The following FANCL variants were observed in gnomAD, a reference collection of about 807,000 sequenced individuals.
FANCL encodes FA complementation group L.
FANCL carries 69 observed loss-of-function variants against 59.4 expected under a neutral mutation model. The observed-to-expected ratio is 1.16, with a 90% CI of 0.96 to 1.42. The LOEUF (loss-of-function observed/expected upper bound fraction) is 1.42. FANCL is among the 40% of genes most tolerant of loss of function. The probability of loss-of-function intolerance (pLI) is 0.00; values close to 1 mark genes in which losing one functional copy is unlikely to be tolerated. For synonymous variants in FANCL, 180 were observed against 147.1 expected (o/e 1.22, Z -1.62); for missense variants, 519 against 447.2 (o/e 1.16, Z -1.45).
At position 58,241,286 on chromosome 2, in the gene FANCL, G is replaced by A. The variant is rs146690827; in HGVS notation, c.28C>T (p.Arg10Cys). 1.2e-6 allele frequency: 2 copies of A among 1,614,224 alleles called. No individual in the cohort carries two copies. The highest frequency in any genetic ancestry group is 1.7e-6 in the Non-Finnish European group (2 of 1,180,038). The change falls in exon 1 of 14, where the codon CGC becomes TGC. Residue 10 changes from arginine (R) to cysteine (C), a missense_variant. By Grantham distance (180) the Arg-to-Cys change is radical. Transcript: ENST00000233741. MAVTEASLL[R>C]QCPLLLPQNR... ...TGGGGCAGAAGCAGGGGGCACTGGCGCAACAGGCTCGCTTCCGTCACCGCC... is the reference window on the plus strand; with the variant it reads ...TGGGGCAGAAGCAGGGGGCACTGGCACAACAGGCTCGCTTCCGTCACCGCC...
intron 7 of FANCL, among the ~76,000 whole-genome samples, chr2:58,197,881 G>C (rs1689585101): frequency 6.6e-6 from 1 of 152,110 alleles, no homozygotes; most frequent in Non-Finnish European, 1.5e-5. Flanking sequence ...AAAAGTTTTA[G>C]CAATATAAAA....
intron 5 of FANCL, among the ~76,000 whole-genome samples, chr2:58,207,290 CTG>C (rs1690684372): frequency 6.6e-6 from 1 of 152,178 alleles, no homozygotes; most frequent in Non-Finnish European, 1.5e-5. Flanking sequence ...ACACAACACT[CTG>C]TGATGATGAA....
Position 58,229,813 on chromosome 2 carries a change from C to G in FANCL, c.216+1G>C. Reference sequence around the variant, plus strand: ...ACATAAACCTTTTAAAAAGGACTTACCTGTTGTACTATTCGATGGTATCCA... The same window carrying G: ...ACATAAACCTTTTAAAAAGGACTTAGCTGTTGTACTATTCGATGGTATCCA... On this transcript the variant is annotated splice_donor_variant, in intron 3 of 13. Transcript: ENST00000233741. LOFTEE classifies it high-confidence loss of function. The G allele has an allele frequency of 6.2e-7, 1 of 1,604,296 alleles. No individual in the cohort carries two copies.
chr2:58,200,197 T>A (rs1689858389), intron 6 of FANCL, among the ~76,000 whole-genome samples: 1 of 152,000 alleles, frequency 6.6e-6, no homozygotes, highest in Non-Finnish European at 1.5e-5. Context: ...CTTCAGAGTA[T>A]CATTGCTGTA....
chr2:58,193,984 G>T (rs1689184614), intron 7 of FANCL, among the ~76,000 whole-genome samples: 1 of 151,572 alleles, frequency 6.6e-6, no homozygotes, highest in African/African-American at 2.4e-5. Flanking sequence ...AATGGATAAT[G>T]CTCCCTGCTA....
At chr2:58,192,714 G>C (rs1392761501) in intron 7 of FANCL, among the ~76,000 whole-genome samples, 3 of 151,876 alleles carry the variant, frequency 2.0e-5, no homozygotes, top group Non-Finnish European at 2.9e-5. Flanking sequence ...GAATTTAGTA[G>C]ATAATGCCTA....
At chr2:58,187,933 C>T (rs58756932) in intron 7 of FANCL, among the ~76,000 whole-genome samples, 1,660 of 152,166 alleles carry the variant, frequency 0.011, 44 homozygotes, top group African/African-American at 0.038. Context: ...ATTTTGATGA[C>T]GACCAATTTA....
intron 7 of FANCL, among the ~76,000 whole-genome samples, chr2:58,182,914 T>C (rs1688063634): frequency 6.6e-6 from 1 of 151,774 alleles, no homozygotes; most frequent in South Asian, 2.1e-4. Flanking sequence ...TTAACATTAG[T>C]TGCACCTTTT....
Position 58,226,760 on chromosome 2 carries a change from T to C in FANCL, c.241A>G (p.Met81Val), listed in dbSNP as rs1440897827. 8.1e-6 allele frequency: 13 copies of C among 1,613,460 alleles called. No homozygotes were observed. Among genetic ancestry groups the C allele is most frequent in the Non-Finnish European group, 9.3e-6 (11 of 1,179,670 alleles). Residue 81 changes from methionine (M) to valine (V), a missense_variant, in exon 4 of 14, where the codon ATG (methionine) becomes GTG (valine). Coordinates refer to ENST00000233741, the MANE Select transcript of FANCL (RefSeq NM_018062.4). Reference protein sequence around the residue: ...QQRMQHSPDLMSFMMELKMLL... With the variant: ...QQRMQHSPDLVSFMMELKMLL... ...ATCTTCAACTCCATCATAAAGCTCA[T>C]TAGATCAGGAGAGTGCTGCATTCTC... is the stretch of plus-strand genomic sequence containing the variant.
chr2:58,222,021 G>A lies in FANCL; in HGVS notation c.295C>T (p.Gln99Ter), dbSNP rs1196510455. ...GGAGGAGGTAGTGCATACAGCTCTT[G>A]TCTATTCTTTAAGGCAACTTCCTGT... ...MLLEVALKNR[Q>*]ELYALPPPPQ... The change falls in exon 5 of 14, where the codon CAA (glutamine) becomes TAA (stop). Residue 99 changes from glutamine (Q) to a stop codon, truncating the protein, a stop_gained. Coordinates refer to ENST00000233741, the MANE Select transcript of FANCL (RefSeq NM_018062.4). LOFTEE classifies it high-confidence loss of function. 6.2e-7 allele frequency: 1 copy of A among 1,613,088 alleles called. No individual in the cohort carries two copies. The highest frequency in any genetic ancestry group is 8.5e-7 in the Non-Finnish European group (1 of 1,179,356).
At chr2:58,235,541 A>C (rs777219755) in intron 1 of FANCL, among the ~76,000 whole-genome samples, 14 of 152,130 alleles carry the variant, frequency 9.2e-5, no homozygotes, top group Non-Finnish European at 1.3e-4. Context: ...ACTGTAGCTC[A>C]CAACAAATCT....
chr2:58,163,593 T>G, intron 8 of FANCL, 76 bp from the exon 9 acceptor site: 2 of 901,158 alleles, frequency 2.2e-6, no homozygotes, highest in Non-Finnish European at 3.7e-6. Context: ...AAAGAGGTGT[T>G]GGTCTGGCTA....
rs147891737 is a variant in FANCL at position 58,227,635 on chromosome 2, C to T, written c.217-851G>A. 9.6e-3 allele frequency among the ~76,000 whole-genome samples: 1,455 copies of T among 152,226 alleles called. 13 individuals carry two copies. The highest frequency in any genetic ancestry group is 0.015 in the Non-Finnish European group (1,021 of 68,020). On this transcript the variant is annotated intron_variant, in intron 3 of 13. Coordinates refer to ENST00000233741, the MANE Select transcript of FANCL (RefSeq NM_018062.4). ...TCCAGCCACTTGTGTGTTCCTCCAC[C>T]GATATATTTCTCTCAACGTCCAGCC...
chr2:58,187,792 A>G (rs1688554801), intron 7 of FANCL, among the ~76,000 whole-genome samples: 1 of 152,188 alleles, frequency 6.6e-6, no homozygotes, highest in Admixed American at 6.5e-5. Context: ...AACAACGTCC[A>G]TTTTGAGTTT....
intron 7 of FANCL, among the ~76,000 whole-genome samples, chr2:58,176,322 G>A (rs1312240988): frequency 6.6e-6 from 1 of 152,022 alleles, no homozygotes; most frequent in Non-Finnish European, 1.5e-5. Context: ...GCATCGCCAA[G>A]TCAATCCTAA....
At chr2:58,173,375 G>T (rs550894226) in intron 7 of FANCL, among the ~76,000 whole-genome samples, 4 of 152,236 alleles carry the variant, frequency 2.6e-5, no homozygotes, top group Non-Finnish European at 5.9e-5. Flanking sequence ...AATGTTAAGG[G>T]CAGCCAGAGA....
intron 4 of FANCL, among the ~76,000 whole-genome samples, chr2:58,225,628 A>G (rs1401135038): frequency 6.6e-6 from 1 of 152,026 alleles, no homozygotes; most frequent in Non-Finnish European, 1.5e-5. Context: ...AATATAATAA[A>G]TACAGAGCAC....
intron 5 of FANCL, among the ~76,000 whole-genome samples, chr2:58,214,231 T>C (rs1233040772): frequency 6.6e-6 from 1 of 152,188 alleles, no homozygotes; most frequent in Non-Finnish European, 1.5e-5. Flanking sequence ...GAGATATTCA[T>C]ATCCTTATTT....
intron 5 of FANCL, among the ~76,000 whole-genome samples, chr2:58,217,815 A>C (rs13422760): frequency 0.15 from 22,329 of 151,982 alleles, 2,068 homozygotes; most frequent in African/African-American, 0.26. Flanking sequence ...AAATCATTAA[A>C]CATATTGGAT....
Sources: allele counts gnomAD v4.1 joint callset (sites outside exome capture counted in the v4.1 genomes callset), GRCh38; gene constraint gnomAD v4.1.1; transcripts MANE v1.5; gene names NCBI Gene and HGNC (gene_info 2026-07-23, HGNC 2026-07-21).